NLGN1: variants seen among roughly 807,000 people sequenced by gnomAD.
The protein encoded by NLGN1 is neuroligin-1.
In NLGN1, 12 loss-of-function variants were observed where a neutral mutation model predicts 65.5. The ratio of observed to expected loss-of-function variants is 0.18; its 90% CI spans 0.12 to 0.30. NLGN1 has a LOEUF of 0.30. Ranked by LOEUF, NLGN1 falls within the 10% of genes least tolerant of loss-of-function variation. NLGN1 has a pLI of 1.00. For missense variants in NLGN1, 750 were observed against 1,007.1 expected (o/e 0.74, Z 3.46); for synonymous variants, 350 against 359.5 (o/e 0.97, Z 0.30).
chr3:174,287,842 TA>T (rs1390950503), downstream of NLGN1, among the ~76,000 whole-genome samples: 3 of 151,492 alleles, frequency 2.0e-5, no homozygotes, highest in Non-Finnish European at 3.0e-5. Context: ...CTGAAAGTCT[TA>T]AAAGGTGATC....
intron 3 of NLGN1, among the ~76,000 whole-genome samples, chr3:173,739,782 C>T (rs1774349565): frequency 6.6e-6 from 1 of 152,076 alleles, no homozygotes; most frequent in African/African-American, 2.4e-5. Context: ...AGTTAACCAT[C>T]CTCAGTAAAT....
intron 3 of NLGN1, among the ~76,000 whole-genome samples, chr3:173,657,297 G>A (rs1314062475): frequency 1.3e-5 from 2 of 151,926 alleles, no homozygotes; most frequent in African/African-American, 4.8e-5. Context: ...AACTCCATGT[G>A]CTGCCAATTC....
At chr3:174,222,510 T>A (rs1421567458) in intron 4 of NLGN1, among the ~76,000 whole-genome samples, 1 of 152,176 alleles carries the variant, frequency 6.6e-6, no homozygotes, top group Non-Finnish European at 1.5e-5. Context: ...TGTTGTATAT[T>A]TCTTACAAAT....
chr3:174,187,060 A>C (rs931303826), intron 4 of NLGN1, among the ~76,000 whole-genome samples: 8 of 152,048 alleles, frequency 5.3e-5, no homozygotes, highest in Admixed American at 1.3e-4. Flanking sequence ...TACCGAATAC[A>C]ATGTGAGTAC....
chr3:173,732,257 T>C (rs1175542945), intron 3 of NLGN1, among the ~76,000 whole-genome samples: 1 of 152,074 alleles, frequency 6.6e-6, no homozygotes, highest in African/African-American at 2.4e-5. Flanking sequence ...ATTATAATGG[T>C]GCAAACAGCA....
chr3:173,572,834 G>C (rs978894664), intron 2 of NLGN1, among the ~76,000 whole-genome samples: 2 of 152,066 alleles, frequency 1.3e-5, no homozygotes, highest in African/African-American at 4.8e-5. Context: ...GTCTTCCTTT[G>C]CCTTAATACA....
intron 3 of NLGN1, among the ~76,000 whole-genome samples, chr3:173,620,843 A>G (rs1753879460): frequency 6.6e-6 from 1 of 152,118 alleles, no homozygotes; most frequent in Non-Finnish European, 1.5e-5. Flanking sequence ...GAGACAGGAA[A>G]TCATAAACTG....
At chr3:173,817,943 C>A (rs1273310014) in intron 4 of NLGN1, among the ~76,000 whole-genome samples, 1 of 152,152 alleles carries the variant, frequency 6.6e-6, no homozygotes, top group African/African-American at 2.4e-5. Flanking sequence ...AACATAGTAT[C>A]AAAATTTCCC....
intron 4 of NLGN1, among the ~76,000 whole-genome samples, chr3:173,946,016 T>C (rs1250142709): frequency 6.6e-6 from 1 of 152,202 alleles, no homozygotes; most frequent in Non-Finnish European, 1.5e-5. Context: ...GAGCATATGT[T>C]TATGTGTCTG....
intron 4 of NLGN1, among the ~76,000 whole-genome samples, chr3:173,865,514 C>A (rs1026660030): frequency 1.3e-5 from 2 of 151,964 alleles, no homozygotes; most frequent in African/African-American, 4.8e-5. Flanking sequence ...CAATAAATCC[C>A]TATGATTTCA....
chr3:174,180,465 G>A (rs1437679286), intron 4 of NLGN1, among the ~76,000 whole-genome samples: 2 of 152,108 alleles, frequency 1.3e-5, no homozygotes, highest in Non-Finnish European at 2.9e-5. Flanking sequence ...AAGCAAATGT[G>A]GAATTTAGAA....
chr3:173,898,162 T>A (rs1294753637), intron 4 of NLGN1, among the ~76,000 whole-genome samples: 1 of 152,212 alleles, frequency 6.6e-6, no homozygotes, highest in Admixed American at 6.5e-5. Context: ...GTTAAGACCT[T>A]GAATTGTAAG....
chr3:173,821,051 A>G (rs1295731623), intron 4 of NLGN1, among the ~76,000 whole-genome samples: 2 of 152,192 alleles, frequency 1.3e-5, no homozygotes, highest in Non-Finnish European at 2.9e-5. Context: ...CTCATCTTTT[A>G]TAACAGTGTA....
At chr3:173,593,287 A>T (rs1437564885) in intron 2 of NLGN1, among the ~76,000 whole-genome samples, 1 of 152,180 alleles carries the variant, frequency 6.6e-6, no homozygotes, top group Non-Finnish European at 1.5e-5. Flanking sequence ...AACTTGTGTC[A>T]TGGGGGTTTG....
intron 4 of NLGN1, among the ~76,000 whole-genome samples, chr3:173,820,072 G>C (rs1056048495): frequency 2.6e-5 from 4 of 151,978 alleles, no homozygotes; most frequent in Non-Finnish European, 4.4e-5. Flanking sequence ...CCAGCTACTC[G>C]GTAGGCTGAG....
intron 1 of NLGN1, among the ~76,000 whole-genome samples, chr3:173,432,250 G>T (rs900056750): frequency 1.3e-5 from 2 of 152,212 alleles, no homozygotes; most frequent in African/African-American, 2.4e-5. Context: ...ACCAGGGGGT[G>T]TGATGGCTGG....
chr3:173,681,957 A>G (rs143763773), intron 3 of NLGN1, among the ~76,000 whole-genome samples: 2,718 of 152,322 alleles, frequency 0.018, 35 homozygotes, highest in Middle Eastern at 0.024. Context: ...GGATTCTGAG[A>G]TTTGTGAAAC....
chr3:173,986,554 A>G (rs540683289), intron 4 of NLGN1, among the ~76,000 whole-genome samples: 2 of 152,258 alleles, frequency 1.3e-5, no homozygotes, highest in Admixed American at 1.3e-4. Context: ...AAGATAATAT[A>G]AAGATACACA....
intron 2 of NLGN1, among the ~76,000 whole-genome samples, chr3:173,583,138 T>G (rs928496776): frequency 2.0e-5 from 3 of 152,242 alleles, no homozygotes; most frequent in African/African-American, 4.8e-5. Context: ...TTATTTTATG[T>G]TAAGCCTTAA....
Sources: gnomAD v4.1 joint callset for allele counts (sites outside exome capture counted in the v4.1 genomes callset) on GRCh38, gnomAD v4.1.1 for gene constraint, MANE v1.5 for transcripts, NCBI Gene and HGNC (gene_info 2026-07-23, HGNC 2026-07-21) for gene names.